The following TRPC6 variants were observed in gnomAD, a reference collection of about 807,000 sequenced individuals.
TRPC6 encodes the protein transient receptor potential cation channel subfamily C member 6.
TRPC6 carries 55 observed loss-of-function variants against 90.7 expected under a neutral mutation model. The ratio of observed to expected loss-of-function variants is 0.61; its 90% CI spans 0.49 to 0.76. The LOEUF (loss-of-function observed/expected upper bound fraction) is 0.76, where lower values mean the gene tolerates loss of function less well. Ranked by LOEUF, TRPC6 falls within the 30% of genes least tolerant of loss-of-function variation. The probability of loss-of-function intolerance (pLI) is 0.00; values close to 1 mark genes in which losing one functional copy is unlikely to be tolerated. For synonymous variants in TRPC6, 393 were observed against 393.0 expected (o/e 1.00, Z 0.00); for missense variants, 989 against 1,122.7 (o/e 0.88, Z 1.70).
At chr11:101,531,108 C>T (rs967661847) in intron 1 of TRPC6, among the ~76,000 whole-genome samples, 2 of 152,030 alleles carry the variant, frequency 1.3e-5, no homozygotes, top group African/African-American at 2.4e-5. Flanking sequence ...ACACACACAC[C>T]GGTAACAATG....
At position 101,453,872 on chromosome 11, in the gene TRPC6, A is replaced by C. The variant is rs374938042; in HGVS notation, c.2569-147T>G. 1.7e-4 allele frequency: 131 copies of C among 768,336 alleles called. No individual in the cohort carries two copies. In the East Asian group the frequency reaches 2.3e-3, roughly 14 times the overall value. 47.6% of individuals were successfully genotyped at this position (768,336 alleles called of 1,614,324 possible). ...GACTAAGATGATTCAGCCAGGATGC[A>C]GGCGATCTCTACATTTTGCTTTCCT... On this transcript the variant is annotated intron_variant, in intron 11 of 12. Transcript: ENST00000344327.
chr11:101,558,250 T>TGTATATATGTATAC (rs1861614396), intron 1 of TRPC6, among the ~76,000 whole-genome samples: 1 of 103,364 alleles, frequency 9.7e-6, no homozygotes, highest in African/African-American at 4.1e-5. Context: ...TACATGTATA[T>TGTATATATGTATAC]ATGTATACAT....
chr11:101,483,834 T>C (rs927375617), intron 4 of TRPC6, among the ~76,000 whole-genome samples: 6 of 152,146 alleles, frequency 3.9e-5, no homozygotes, highest in Non-Finnish European at 7.4e-5. Flanking sequence ...ATTTCCTAAA[T>C]TATGTGAAAA....
chr11:101,578,837 A>G (rs1001116777), intron 1 of TRPC6, among the ~76,000 whole-genome samples: 41 of 152,144 alleles, frequency 2.7e-4, no homozygotes, highest in African/African-American at 9.2e-4. Flanking sequence ...TAATATCAAA[A>G]TATATTATGA....
At chr11:101,572,788 C>T (rs1275511886) in intron 1 of TRPC6, among the ~76,000 whole-genome samples, 1 of 152,100 alleles carries the variant, frequency 6.6e-6, no homozygotes, top group African/African-American at 2.4e-5. Context: ...TGTTCTCACT[C>T]ATAAGTGGGA....
intron 1 of TRPC6, among the ~76,000 whole-genome samples, chr11:101,535,248 T>C (rs1205092781): frequency 2.0e-5 from 3 of 150,804 alleles, no homozygotes; most frequent in African/African-American, 7.3e-5. Context: ...ACACAAAGCA[T>C]TTGAGGAGAC....
chr11:101,533,844 A>G (rs1860970488), intron 1 of TRPC6, among the ~76,000 whole-genome samples: 1 of 152,132 alleles, frequency 6.6e-6, no homozygotes, highest in Admixed American at 6.5e-5. Flanking sequence ...CCCAATATCA[A>G]AGGCCAGCTT....
At chr11:101,504,975 C>T (rs1184935422) in intron 1 of TRPC6, among the ~76,000 whole-genome samples, 177 bp from the exon 2 acceptor site, 2 of 152,134 alleles carry the variant, frequency 1.3e-5, no homozygotes, top group African/African-American at 4.8e-5. Context: ...CCAAGAACTT[C>T]ACGTCTAAGA....
chr11:101,552,674 A>G (rs1225290162), intron 1 of TRPC6, among the ~76,000 whole-genome samples: 1 of 152,064 alleles, frequency 6.6e-6, no homozygotes, highest in East Asian at 1.9e-4. Context: ...TTATCCATTA[A>G]AAAAAATTCT....
intron 1 of TRPC6, among the ~76,000 whole-genome samples, chr11:101,528,128 CAG>C (rs1860824583): frequency 6.6e-6 from 1 of 152,036 alleles, no homozygotes; most frequent in Non-Finnish European, 1.5e-5. Flanking sequence ...TATCTATAAA[CAG>C]ATTTATGTCT....
chr11:101,564,812 C>A lies in TRPC6; in HGVS notation c.170+18522G>T, dbSNP rs188560249. ...TTGGAGGCATCACACAACCTAATTT[C>A]AAATTATATTTGAAAGTTATAGTAA... On this transcript the variant is annotated intron_variant, in intron 1 of 12. Coordinates refer to ENST00000344327, the MANE Select transcript of TRPC6 (RefSeq NM_004621.6). 6.1e-3 allele frequency among the ~76,000 whole-genome samples: 934 copies of A among 152,108 alleles called. 5 individuals are homozygous for A. The highest frequency in any genetic ancestry group is 9.2e-3 in the Non-Finnish European group (624 of 67,928).
At chr11:101,481,800 T>C (rs1429587712) in intron 5 of TRPC6, among the ~76,000 whole-genome samples, 2 of 152,216 alleles carry the variant, frequency 1.3e-5, no homozygotes, top group Non-Finnish European at 2.9e-5. Context: ...TTCTAAAACA[T>C]GATCAGATCA....
intron 1 of TRPC6, among the ~76,000 whole-genome samples, chr11:101,550,527 T>G (rs1046146237): frequency 2.0e-5 from 3 of 151,734 alleles, no homozygotes; most frequent in African/African-American, 7.2e-5. Flanking sequence ...TTCATAACCT[T>G]AAAACACACA....
intron 4 of TRPC6, among the ~76,000 whole-genome samples, chr11:101,487,676 A>T (rs1282488073): frequency 6.6e-6 from 1 of 152,166 alleles, no homozygotes; most frequent in Non-Finnish European, 1.5e-5. Flanking sequence ...TGTACTACAG[A>T]TGTCATTTCT....
At chr11:101,469,642 A>AGTGCTTGCTTAGACATTTCCTTTGGAC (rs1859240454) in intron 9 of TRPC6, 141 bp from the exon 10 acceptor site, 2 of 583,134 alleles carry the variant, frequency 3.4e-6, no homozygotes, top group Non-Finnish European at 6.1e-6. Flanking sequence ...TCCCTTTGCA[A>AGTGCTTGCTTAGACATTTCCTTTGGAC]GTGCTTGCTT....
intron 3 of TRPC6, among the ~76,000 whole-genome samples, chr11:101,490,198 C>A (rs1232829701): frequency 1.3e-5 from 2 of 151,864 alleles, no homozygotes; most frequent in Non-Finnish European, 2.9e-5. Flanking sequence ...AATAAACATC[C>A]CTAAATAGTA....
intron 1 of TRPC6, among the ~76,000 whole-genome samples, chr11:101,523,643 G>A (rs1279952827): frequency 6.6e-6 from 1 of 152,114 alleles, no homozygotes; most frequent in Non-Finnish European, 1.5e-5. Context: ...TCTTAGTTTA[G>A]ACAGGAGTTC....
chr11:101,465,381 T>C (rs1001262629), intron 10 of TRPC6, among the ~76,000 whole-genome samples: 9 of 152,226 alleles, frequency 5.9e-5, no homozygotes, highest in Middle Eastern at 3.2e-3. Context: ...CTGAAGAGTG[T>C]CTTCCTATTT....
intron 1 of TRPC6, among the ~76,000 whole-genome samples, chr11:101,575,993 G>T (rs562360394): frequency 1.8e-3 from 270 of 152,258 alleles, no homozygotes; most frequent in Admixed American, 3.3e-3. Context: ...AATACTGAGA[G>T]AATAGAGGAC....
Sources: gnomAD v4.1 joint callset for allele counts (sites outside exome capture counted in the v4.1 genomes callset) on GRCh38, gnomAD v4.1.1 for gene constraint, MANE v1.5 for transcripts, NCBI Gene and HGNC (gene_info 2026-07-23, HGNC 2026-07-21) for gene names.